Variants in MAPK1IP1L observed in about 807,000 individuals in gnomAD.
MAPK1IP1L encodes mitogen-activated protein kinase 1 interacting protein 1 like.
Under a neutral mutation model 18.1 loss-of-function variants are expected in MAPK1IP1L, and 10 were observed. The ratio of observed to expected loss-of-function variants is 0.55; its 90% CI spans 0.34 to 0.94. MAPK1IP1L has a LOEUF of 0.94. MAPK1IP1L is among the 40% of genes least tolerant of loss of function. The pLI is 0.02. For synonymous variants in MAPK1IP1L, 115 were observed against 117.3 expected (o/e 0.98, Z 0.13); for missense variants, 260 against 318.2 (o/e 0.82, Z 1.39).
At chr14:55,062,304 T>C (rs2042823987) in intron 2 of MAPK1IP1L, among the ~76,000 whole-genome samples, 1 of 152,204 alleles carries the variant, frequency 6.6e-6, no homozygotes, top group African/African-American at 2.4e-5. Context: ...AATCCATATC[T>C]TGACTGTTAG....
rs1409660974 is a variant in MAPK1IP1L at position 55,069,598 on chromosome 14, C to G, written c.*4971C>G. Reference sequence around the variant, plus strand: ...AGGCCCAATTCTGGGCTTCTCTGAGCAAGTCCAGAGCCTAATTAACTGTAA... The same window carrying G: ...AGGCCCAATTCTGGGCTTCTCTGAGGAAGTCCAGAGCCTAATTAACTGTAA... On this transcript the variant is annotated 3_prime_UTR_variant, in exon 4 of 4. Coordinates refer to ENST00000395468, the MANE Select transcript of MAPK1IP1L (RefSeq NM_144578.4). 6.6e-6 allele frequency: 1 copy of G among 152,440 alleles called. No homozygotes were observed. Among genetic ancestry groups the G allele is most frequent in the Non-Finnish European group, 1.5e-5 (1 of 68,012 alleles). The allele number at this position is 152,440 out of a possible 1,614,324, so 9.4% of individuals were successfully genotyped here.
rs2042850721 is a variant in MAPK1IP1L, at chr14:55,064,922, A to G, written c.*295A>G. 2 of 282,396 alleles carry G rather than the reference A, an allele frequency of 7.1e-6. No individual in the cohort carries two copies. Among genetic ancestry groups the G allele is most frequent in the South Asian group, 1.5e-4 (1 of 6,472 alleles). The allele number at this position is 282,396 out of a possible 1,614,324, so 17.5% of individuals were successfully genotyped here. A position where few individuals can be genotyped will look rare whatever the true frequency, so the allele number is the denominator to read the frequency against. Reference sequence around the variant, plus strand: ...TTCTTTGACAGAATTTGTTTAAACTATGAAACTACACACTTAAAAATCTAA... The same window carrying G: ...TTCTTTGACAGAATTTGTTTAAACTGTGAAACTACACACTTAAAAATCTAA... On this transcript the variant is annotated 3_prime_UTR_variant, in exon 4 of 4. Transcript: ENST00000395468.
Position 55,062,900 on chromosome 14 carries a change from C to T in MAPK1IP1L, c.301C>T (p.Pro101Ser). Residue 101 changes from proline to serine, a missense_variant, in exon 3 of 4, where the codon CCT becomes TCT. Pro to Ser is a moderately conservative substitution (Grantham distance 74, BLOSUM62 -1). Coordinates refer to ENST00000395468, the MANE Select transcript of MAPK1IP1L (RefSeq NM_144578.4). ...ACCATCATGTCCCCCACCTGGTGGT[C>T]CTTATCCAGCCCCAACTGTGCCGGG... The part of the protein sequence containing the change: ...SGPSCPPPGG[P>S]YPAPTVPGPG... 1.2e-6 allele frequency: 2 copies of T among 1,614,080 alleles called. No individual in the cohort carries two copies. Among genetic ancestry groups the T allele is most frequent in the Non-Finnish European group, 1.7e-6 (2 of 1,179,994 alleles).
intron 1 of MAPK1IP1L, among the ~76,000 whole-genome samples, chr14:55,059,195 T>G (rs1422973729): frequency 9.8e-6 from 1 of 101,594 alleles, no homozygotes; most frequent in African/African-American, 3.9e-5. Context: ...TTTAACGATC[T>G]GGAAAAAATA....
rs1331268523 is a variant in MAPK1IP1L at position 55,068,520 on chromosome 14, A to C, written c.*3893A>C. On this transcript the variant is annotated 3_prime_UTR_variant, in exon 4 of 4. Coordinates refer to ENST00000395468, the MANE Select transcript of MAPK1IP1L (RefSeq NM_144578.4). The stretch of plus-strand genomic sequence containing the variant: ...ATAGAAGCTAGCTTTATCAAATGCC[A>C]AGGTTAGAAAGCCTGGAAATAAAAC... 2 of 152,558 alleles carry C rather than the reference A, an allele frequency of 1.3e-5. No homozygotes were observed. Among genetic ancestry groups the C allele is most frequent in the Non-Finnish European group, 2.9e-5 (2 of 68,034 alleles). The allele number at this position is 152,558 out of a possible 1,614,324, so 9.5% of individuals were successfully genotyped here. A position where few individuals can be genotyped will look rare whatever the true frequency, so the allele number is the denominator to read the frequency against.
chr14:55,052,611 C>T (rs2042739529), intron 1 of MAPK1IP1L, among the ~76,000 whole-genome samples: 1 of 152,116 alleles, frequency 6.6e-6, no homozygotes, highest in South Asian at 2.1e-4. Context: ...TTTAGTTTTA[C>T]TACTAGAGAA....
Position 55,065,040 on chromosome 14 carries a change from C to T in MAPK1IP1L, c.*413C>T, listed in dbSNP as rs572030676. On this transcript the variant is annotated 3_prime_UTR_variant, in exon 4 of 4. Coordinates refer to ENST00000395468, the MANE Select transcript of MAPK1IP1L (RefSeq NM_144578.4). ...TTTCCCCTTCTAAATAAATAAACTT[C>T]GAGAATAACCCATCATAATCCAAAC... The T allele has an allele frequency of 3.5e-4, 55 of 157,544 alleles. 1 individual carries two copies. The South Asian group carries it at 0.01, about 29-fold the overall frequency. The allele number at this position is 157,544 out of a possible 1,614,324, so 9.8% of individuals were successfully genotyped here.
At chr14:55,060,154 ATTTTTTTTTTTT>A (rs71131248) in intron 1 of MAPK1IP1L, among the ~76,000 whole-genome samples, 63 of 63,940 alleles carry the variant, frequency 9.9e-4, no homozygotes, top group African/African-American at 3.8e-3. Flanking sequence ...TTTTGGAGAA[ATTTTTTTTTTTT>A]TTTTTTTTTT....
At chr14:55,059,248 CAGTA>C (rs2042797012) in intron 1 of MAPK1IP1L, among the ~76,000 whole-genome samples, 2 of 93,882 alleles carry the variant, frequency 2.1e-5, no homozygotes, top group South Asian at 3.4e-4. Flanking sequence ...AAAAAAAAGA[CAGTA>C]GGGTGACTCA....
chr14:55,058,408 T>C (rs1362391851), intron 1 of MAPK1IP1L, among the ~76,000 whole-genome samples: 1 of 152,218 alleles, frequency 6.6e-6, no homozygotes. Flanking sequence ...AGAGCCTATT[T>C]ACAACCACAG....
chr14:55,051,794 A>G lies in MAPK1IP1L; in HGVS notation c.-14A>G, dbSNP rs949909063. The G allele has an allele frequency of 2.0e-6, 1 of 497,312 alleles. No individual in the cohort carries two copies. The highest frequency in any genetic ancestry group is 4.0e-6 in the Non-Finnish European group (1 of 248,406). The allele number at this position is 497,312 out of a possible 1,614,324, so 30.8% of individuals were successfully genotyped here. On this transcript the variant is annotated 5_prime_UTR_variant, in exon 1 of 4. Transcript: ENST00000395468. ...CTTCTAGACCCTACTGCGGTCTCGGATATTGCCGGGTGAGGCTGCTTCGGT... is the reference window on the plus strand; with the variant it reads ...CTTCTAGACCCTACTGCGGTCTCGGGTATTGCCGGGTGAGGCTGCTTCGGT...
intron 1 of MAPK1IP1L, among the ~76,000 whole-genome samples, chr14:55,055,793 G>A (rs1279503956): frequency 6.6e-6 from 1 of 152,118 alleles, no homozygotes; most frequent in Non-Finnish European, 1.5e-5. Context: ...AGCCGGGCGT[G>A]GTGGCACGTG....
chr14:55,055,402 T>C (rs867462487), intron 1 of MAPK1IP1L, among the ~76,000 whole-genome samples: 15 of 152,356 alleles, frequency 9.8e-5, no homozygotes, highest in Middle Eastern at 6.8e-3. Flanking sequence ...CTTCCAATTA[T>C]AGTTGTTCCC....
chr14:55,069,524 A>G lies in MAPK1IP1L; in HGVS notation c.*4897A>G, dbSNP rs1458975497. 2 of 152,610 alleles carry G rather than the reference A, an allele frequency of 1.3e-5. No individual in the cohort carries two copies. Among genetic ancestry groups the G allele is most frequent in the African/African-American group, 4.8e-5 (2 of 41,440 alleles). The allele number at this position is 152,610 out of a possible 1,614,324, so 9.5% of individuals were successfully genotyped here. A position where few individuals can be genotyped will look rare whatever the true frequency, so the allele number is the denominator to read the frequency against. ...TATTATACCTGGAAACTTTTTTTAA[A>G]AAATGTATTTTCATGGTTTCACAGA... On this transcript the variant is annotated 3_prime_UTR_variant, in exon 4 of 4. Coordinates refer to ENST00000395468, the MANE Select transcript of MAPK1IP1L (RefSeq NM_144578.4).
chr14:55,059,225 G>GAAAAAAAAAAAAAAAAAAAAAAAAATCAA (rs3078612), intron 1 of MAPK1IP1L, among the ~76,000 whole-genome samples: 1 of 63,278 alleles, frequency 1.6e-5, no homozygotes, highest in Non-Finnish European at 3.1e-5. Flanking sequence ...AGGAAAATCT[G>GAAAAAAAAAAAAAAAAAAAAAAAAATCAA]AAAAAAAAAA....
chr14:55,062,695 A>T lies in MAPK1IP1L; in HGVS notation c.96A>T (p.Gln32His). 1 of 1,614,122 alleles carries T rather than the reference A, an allele frequency of 6.2e-7. No individual in the cohort carries two copies. Among genetic ancestry groups the T allele is most frequent in the South Asian group, 1.1e-5 (1 of 91,068 alleles). ...ATACAAAACCTGGCCAACCTCCTCA[A>T]GGCTGGCCAGGCTCCAACCCTTGGA... ...VSNTKPGQPP[Q>H]GWPGSNPWNN... Residue 32 changes from glutamine (Q) to histidine (H), a missense_variant, in exon 3 of 4, where the codon CAA becomes CAT. By Grantham distance (24) the Gln-to-His change is conservative. Transcript: ENST00000395468.
rs750936452 is a variant in MAPK1IP1L, at chr14:55,064,915, TTAAAC to T, written c.*291_*295del. The T allele has an allele frequency of 4.1e-4, 122 of 299,396 alleles. No individual in the cohort carries two copies. The highest frequency in any genetic ancestry group is 2.5e-3 in the South Asian group (17 of 6,728). The allele number at this position is 299,396 out of a possible 1,614,324, so 18.5% of individuals were successfully genotyped here. ...TGAATAGTTCTTTGACAGAATTTGT[TTAAAC>T]TATGAAACTACACACTTAAAAATCT... On this transcript the variant is annotated 3_prime_UTR_variant, in exon 4 of 4. Transcript: ENST00000395468.
chr14:55,057,892 A>G (rs2042784206), intron 1 of MAPK1IP1L, among the ~76,000 whole-genome samples: 1 of 152,102 alleles, frequency 6.6e-6, no homozygotes, highest in Non-Finnish European at 1.5e-5. Flanking sequence ...CTGTGATCAC[A>G]CCACTGCACT....
At position 55,066,292 on chromosome 14, in the gene MAPK1IP1L, T is replaced by C. The variant is rs1408111466; in HGVS notation, c.*1665T>C. 1 of 152,232 alleles carries C rather than the reference T, an allele frequency of 6.6e-6. No individual in the cohort carries two copies. The highest frequency in any genetic ancestry group is 1.5e-5 in the Non-Finnish European group (1 of 68,042). 9.4% of individuals were successfully genotyped at this position (152,232 alleles called of 1,614,324 possible). A position where few individuals can be genotyped will look rare whatever the true frequency, so the allele number is the denominator to read the frequency against. ...GGTTACCTTTGAGAGGAACATTCAG[T>C]GTTTAATCATCCCTTATGTTAACTA... On this transcript the variant is annotated 3_prime_UTR_variant, in exon 4 of 4. Transcript: ENST00000395468.
Sources: gnomAD v4.1 joint callset for allele counts (sites outside exome capture counted in the v4.1 genomes callset) on GRCh38, gnomAD v4.1.1 for gene constraint, MANE v1.5 for transcripts, NCBI Gene and HGNC (gene_info 2026-07-23, HGNC 2026-07-21) for gene names.